The following THSD4 variants were observed in gnomAD, a reference collection of about 807,000 sequenced individuals.
The protein encoded by THSD4 is thrombospondin type-1 domain-containing protein 4.
In THSD4, 69 loss-of-function variants were observed where a neutral mutation model predicts 119.0. The ratio of observed to expected loss-of-function variants is 0.58; its 90% CI spans 0.48 to 0.71. The LOEUF is 0.71. Ranked by LOEUF, THSD4 falls within the 30% of genes least tolerant of loss-of-function variation. THSD4 has a pLI of 0.00. For missense variants in THSD4, 1,393 were observed against 1,391.1 expected, an observed-to-expected ratio of 1.00 and a Z score of -0.02; for synonymous variants, 524 against 540.4, an observed-to-expected ratio of 0.97 and a Z score of 0.42.
At chr15:71,300,073 C>G (rs967118382) in intron 6 of THSD4, among the ~76,000 whole-genome samples, 2 of 150,274 alleles carry the variant, frequency 1.3e-5, no homozygotes, top group Non-Finnish European at 3.0e-5. Context: ...ACTGCTTGAG[C>G]TCAGGGTTTT....
chr15:71,659,381 A>C (rs951422724), intron 7 of THSD4, among the ~76,000 whole-genome samples: 1 of 152,174 alleles, frequency 6.6e-6, no homozygotes, highest in Non-Finnish European at 1.5e-5. Flanking sequence ...CAGAAGTAGA[A>C]AAAGATTTTG....
At chr15:71,732,670 A>C (rs1401034893) in intron 10 of THSD4, 1 of 152,138 alleles carries the variant, frequency 6.6e-6, no homozygotes, top group Admixed American at 6.5e-5. Flanking sequence ...TATTAGCCTT[A>C]TTTTAAGAGT....
chr15:71,575,975 C>T (rs1032058160), intron 7 of THSD4, among the ~76,000 whole-genome samples: 7 of 152,130 alleles, frequency 4.6e-5, no homozygotes, highest in African/African-American at 1.7e-4. Context: ...ATTGTAGAGT[C>T]TTACATGAAG....
At chr15:71,516,199 A>C (rs1230198179) in intron 7 of THSD4, among the ~76,000 whole-genome samples, 1 of 152,210 alleles carries the variant, frequency 6.6e-6, no homozygotes, top group Non-Finnish European at 1.5e-5. Context: ...TGAAGAAAGA[A>C]TAAAATAGAA....
chr15:71,681,134 T>G (rs1410124744), intron 8 of THSD4, among the ~76,000 whole-genome samples: 1 of 151,776 alleles, frequency 6.6e-6, no homozygotes, highest in African/African-American at 2.4e-5. Context: ...AGGGTGGTCT[T>G]GAACCCCTGA....
chr15:71,215,287 C>G lies in THSD4; in HGVS notation c.352C>G (p.Arg118Gly). Residue 118 changes from arginine to glycine, a missense_variant, in exon 4 of 18, where the codon CGC becomes GGC. By Grantham distance (125) the Arg-to-Gly change is moderately radical. Coordinates refer to ENST00000261862, the MANE Select transcript of THSD4 (RefSeq NM_024817.3). ...CACGTCGGTGCCACTGCACCGGAGC[C>G]GCGACGAGACGCCAGCGCTGGCCGG... ...VRTSVPLHRS[R>G]DETPALAGTD... 6.6e-7 allele frequency: 1 copy of G among 1,522,032 alleles called. No individual in the cohort carries two copies. Among genetic ancestry groups the G allele is most frequent in the African/African-American group, 1.4e-5 (1 of 71,566 alleles). 94.3% of individuals were successfully genotyped at this position (1,522,032 alleles called of 1,614,324 possible). A position where few individuals can be genotyped will look rare whatever the true frequency, so the allele number is the denominator to read the frequency against.
chr15:71,394,266 CTTTTT>C (rs58372446), intron 6 of THSD4, among the ~76,000 whole-genome samples: 57 of 89,692 alleles, frequency 6.4e-4, no homozygotes, highest in Admixed American at 1.7e-3. Flanking sequence ...ACACATTTGT[CTTTTT>C]TTTTTTTTTT....
At chr15:71,294,942 T>A (rs943881819) in intron 6 of THSD4, among the ~76,000 whole-genome samples, 42 of 102,178 alleles carry the variant, frequency 4.1e-4, no homozygotes, top group African/African-American at 9.8e-4. Context: ...AAAAAAAAAA[T>A]ACAGTCTTGT....
At chr15:71,378,312 G>A (rs2046178491) in intron 6 of THSD4, among the ~76,000 whole-genome samples, 1 of 152,150 alleles carries the variant, frequency 6.6e-6, no homozygotes, top group Non-Finnish European at 1.5e-5. Flanking sequence ...TTCTTGTAAA[G>A]GCATGATGAA....
At chr15:71,628,821 C>A (rs372755799) in intron 7 of THSD4, among the ~76,000 whole-genome samples, 1 of 152,202 alleles carries the variant, frequency 6.6e-6, no homozygotes, top group Non-Finnish European at 1.5e-5. Context: ...CCTTGACTCA[C>A]AACTGCTGCT....
intron 3 of THSD4, among the ~76,000 whole-genome samples, chr15:71,173,557 C>T (rs1291265568): frequency 9.9e-6 from 1 of 100,540 alleles, no homozygotes; most frequent in Admixed American, 1.1e-4. Context: ...TAGACCTACA[C>T]ACACACACAC....
At chr15:71,100,176 T>G (rs1340229072) in intron 1 of THSD4, among the ~76,000 whole-genome samples, 1 of 152,200 alleles carries the variant, frequency 6.6e-6, no homozygotes, top group East Asian at 1.9e-4. Flanking sequence ...TCTCCACTCC[T>G]TAAGTATGAA....
intron 6 of THSD4, among the ~76,000 whole-genome samples, chr15:71,317,606 G>A (rs2045207354): frequency 6.6e-6 from 1 of 152,192 alleles, no homozygotes; most frequent in Admixed American, 6.5e-5. Context: ...ACAATTGAAG[G>A]TAAGATTTGG....
chr15:71,288,077 C>T (rs1243143409), intron 6 of THSD4, among the ~76,000 whole-genome samples: 5 of 152,260 alleles, frequency 3.3e-5, no homozygotes, highest in South Asian at 4.1e-4. Flanking sequence ...TTCTAGTTTG[C>T]ACCTGATGAA....
intron 6 of THSD4, among the ~76,000 whole-genome samples, chr15:71,281,907 C>G (rs2044657475): frequency 6.6e-6 from 1 of 152,200 alleles, no homozygotes; most frequent in Admixed American, 6.5e-5. Context: ...TGTCCTTTGG[C>G]TTTGGCTCAT....
chr15:71,682,438 CCTCT>C (rs769785787), intron 8 of THSD4, among the ~76,000 whole-genome samples: 1 of 152,186 alleles, frequency 6.6e-6, no homozygotes, highest in Non-Finnish European at 1.5e-5. Context: ...TCCAGTGTCC[CCTCT>C]CTGTCACTAA....
chr15:71,195,838 C>T (rs1405766228), intron 3 of THSD4, among the ~76,000 whole-genome samples: 1 of 152,124 alleles, frequency 6.6e-6, no homozygotes. Context: ...ACATGCAGGA[C>T]ACTGTACAAT....
intron 6 of THSD4, among the ~76,000 whole-genome samples, chr15:71,310,990 A>G (rs1313974730): frequency 6.6e-6 from 1 of 152,202 alleles, no homozygotes; most frequent in Non-Finnish European, 1.5e-5. Flanking sequence ...GATTTAGTTC[A>G]GTGTTAAGTA....
At chr15:71,605,074 G>C (rs1236613121) in intron 7 of THSD4, among the ~76,000 whole-genome samples, 2 of 151,764 alleles carry the variant, frequency 1.3e-5, no homozygotes, top group East Asian at 3.9e-4. Context: ...TCCAGGTAGA[G>C]GAAATAACAA....
Sources: gnomAD v4.1 joint callset for allele counts (sites outside exome capture counted in the v4.1 genomes callset) on GRCh38, gnomAD v4.1.1 for gene constraint, MANE v1.5 for transcripts, NCBI Gene and HGNC (gene_info 2026-07-23, HGNC 2026-07-21) for gene names.